The following FYB1 variants were observed in gnomAD, a reference collection of about 807,000 sequenced individuals.
The protein encoded by FYB1 is FYN binding protein 1, also known as FYN-binding protein 1.
A neutral mutation model predicts 94.1 loss-of-function variants in FYB1; 41 were observed. That is an observed-to-expected ratio of 0.44 (90% confidence interval 0.34 to 0.57). FYB1 has a LOEUF of 0.57. Ranked by LOEUF, FYB1 falls within the 20% of genes least tolerant of loss-of-function variation. The pLI is 0.02. For missense variants in FYB1, 1,050 were observed against 976.8 expected, an observed-to-expected ratio of 1.07 and a Z score of -1.00; for synonymous variants, 367 against 353.2, an observed-to-expected ratio of 1.04 and a Z score of -0.44.
At chr5:39,162,033 T>C (rs912523460) in intron 2 of FYB1, among the ~76,000 whole-genome samples, 1 of 152,274 alleles carries the variant, frequency 6.6e-6, no homozygotes, top group African/African-American at 2.4e-5. Context: ...TATTACTATC[T>C]TATGGCTGAA....
chr5:39,235,867 T>C (rs1173453387), intron 1 of FYB1, among the ~76,000 whole-genome samples: 1 of 151,798 alleles, frequency 6.6e-6, no homozygotes, highest in African/African-American at 2.4e-5. Flanking sequence ...TAGGACTCTT[T>C]TGTAGTGATA....
At chr5:39,196,313 A>G (rs1747834889) in intron 2 of FYB1, among the ~76,000 whole-genome samples, 1 of 148,024 alleles carries the variant, frequency 6.8e-6, no homozygotes, top group African/African-American at 2.5e-5. Context: ...GGTTCAAATG[A>G]TTCTCCTGCC....
At chr5:39,262,566 T>C (rs1459287679) in intron 1 of FYB1, among the ~76,000 whole-genome samples, 1 of 152,230 alleles carries the variant, frequency 6.6e-6, no homozygotes, top group Non-Finnish European at 1.5e-5. Flanking sequence ...ATCATTACAA[T>C]GACCTTAAAG....
intron 1 of FYB1, among the ~76,000 whole-genome samples, chr5:39,272,670 C>CAAAAAA (rs1195291951): frequency 2.8e-5 from 2 of 70,868 alleles, no homozygotes; most frequent in Non-Finnish European, 5.3e-5. Context: ...AGACTCATCT[C>CAAAAAA]AAAAAAAAAA....
At chr5:39,185,822 CAG>C (rs948859601) in intron 2 of FYB1, among the ~76,000 whole-genome samples, 1 of 151,926 alleles carries the variant, frequency 6.6e-6, no homozygotes, top group Admixed American at 6.6e-5. Flanking sequence ...GTTCCGCACT[CAG>C]AGATGGAGAA....
intron 1 of FYB1, among the ~76,000 whole-genome samples, chr5:39,246,542 A>G (rs778845403): frequency 6.6e-6 from 1 of 152,222 alleles, no homozygotes; most frequent in Non-Finnish European, 1.5e-5. Flanking sequence ...ATTTCCTGCC[A>G]TGAAAGCTCC....
Position 39,138,875 on chromosome 5 carries a change from A to T in FYB1, c.1360-184T>A, listed in dbSNP as rs886647364. The T allele has an allele frequency of 9.4e-6, 6 of 639,724 alleles. No homozygotes were observed. In the Admixed American group the frequency reaches 1.5e-4, roughly 16 times the overall value. 39.6% of individuals were successfully genotyped at this position (639,724 alleles called of 1,614,324 possible). A position where few individuals can be genotyped will look rare whatever the true frequency, so the allele number is the denominator to read the frequency against. On this transcript the variant is annotated intron_variant, in intron 5 of 18. Transcript: ENST00000512982. Reference sequence around the variant, plus strand: ...ACTGTGAATTATTTTTGAAAGAATAATTCAAATACTCAGTAAAACAACTAT... The same window carrying T: ...ACTGTGAATTATTTTTGAAAGAATATTTCAAATACTCAGTAAAACAACTAT...
chr5:39,220,662 T>A (rs551232539), upstream of FYB1, among the ~76,000 whole-genome samples: 49 of 152,292 alleles, frequency 3.2e-4, no homozygotes, highest in African/African-American at 1.2e-3. Context: ...GGTCAAGCAC[T>A]GGCCAAGACT....
At chr5:39,155,431 C>G (rs1223783016) in intron 2 of FYB1, among the ~76,000 whole-genome samples, 1 of 152,096 alleles carries the variant, frequency 6.6e-6, no homozygotes, top group African/African-American at 2.4e-5. Context: ...GAATTAGTTC[C>G]CCTATAAATC....
intron 1 of FYB1, among the ~76,000 whole-genome samples, chr5:39,244,638 T>A (rs1204291993): frequency 6.6e-6 from 1 of 152,174 alleles, no homozygotes; most frequent in Non-Finnish European, 1.5e-5. Context: ...TTGGTATCAG[T>A]ATGATTCTGG....
chr5:39,109,086 T>C (rs1738815140), intron 17 of FYB1, among the ~76,000 whole-genome samples: 1 of 152,012 alleles, frequency 6.6e-6, no homozygotes, highest in South Asian at 2.1e-4. Flanking sequence ...AATTCAGAAA[T>C]GTAGGGTGGC....
At chr5:39,145,709 T>C (rs576619339) in intron 3 of FYB1, among the ~76,000 whole-genome samples, 19 of 152,272 alleles carry the variant, frequency 1.2e-4, no homozygotes, top group African/African-American at 4.3e-4. Flanking sequence ...AAGGTTCTTA[T>C]GATCAATCTT....
intron 11 of FYB1, among the ~76,000 whole-genome samples, chr5:39,127,450 CAAAAAAAAA>C (rs34709432): frequency 1.5e-5 from 1 of 66,440 alleles, no homozygotes. Flanking sequence ...GACTCTGTCT[CAAAAAAAAA>C]AAAAAAAAAA....
intron 17 of FYB1, among the ~76,000 whole-genome samples, chr5:39,108,985 C>A (rs991392034): frequency 6.6e-6 from 1 of 151,946 alleles, no homozygotes. Context: ...CTTTTAAGTA[C>A]CTTATAATCA....
At chr5:39,207,846 C>T (rs1749000177) in intron 1 of FYB1, among the ~76,000 whole-genome samples, 1 of 152,102 alleles carries the variant, frequency 6.6e-6, no homozygotes, top group African/African-American at 2.4e-5. Flanking sequence ...ACGAAAATGA[C>T]CAGCCAGGGA....
At chr5:39,234,504 A>T (rs184968107) in intron 1 of FYB1, among the ~76,000 whole-genome samples, 58 of 152,304 alleles carry the variant, frequency 3.8e-4, no homozygotes, top group Admixed American at 1.3e-3. Context: ...AGGATCTAGA[A>T]TTAGAAATAC....
At chr5:39,254,193 T>A (rs540236398) in intron 1 of FYB1, among the ~76,000 whole-genome samples, 2 of 152,316 alleles carry the variant, frequency 1.3e-5, no homozygotes, top group South Asian at 4.1e-4. Context: ...CAATTTATAT[T>A]CCTTTGGCTC....
chr5:39,120,604 A>G (rs1476889891), intron 14 of FYB1, among the ~76,000 whole-genome samples: 4 of 152,144 alleles, frequency 2.6e-5, no homozygotes, highest in Non-Finnish European at 5.9e-5. Flanking sequence ...ACATGATATT[A>G]ATTTGTAACC....
chr5:39,186,809 G>A (rs1746862291), intron 2 of FYB1, among the ~76,000 whole-genome samples: 1 of 151,674 alleles, frequency 6.6e-6, no homozygotes, highest in African/African-American at 2.4e-5. Context: ...TCTTTATGAT[G>A]TACTAGGAAC....
Sources: allele counts gnomAD v4.1 joint callset (sites outside exome capture counted in the v4.1 genomes callset), GRCh38; gene constraint gnomAD v4.1.1; transcripts MANE v1.5; gene names NCBI Gene and HGNC (gene_info 2026-07-23, HGNC 2026-07-21).